Variants in LUC7L observed in about 807,000 individuals in gnomAD.
LUC7L encodes the protein putative RNA-binding protein Luc7-like 1.
A neutral mutation model predicts 51.1 loss-of-function variants in LUC7L; 29 were observed. The observed-to-expected ratio is 0.57, with a 90% confidence interval of 0.42 to 0.77. The LOEUF (loss-of-function observed/expected upper bound fraction) is 0.77, where lower values mean the gene tolerates loss of function less well. Ranked by LOEUF, LUC7L falls within the 30% of genes least tolerant of loss-of-function variation. LUC7L has a pLI of 0.00. For missense variants in LUC7L, 403 were observed against 511.9 expected, an observed-to-expected ratio of 0.79 and a Z score of 2.05; for synonymous variants, 181 against 180.7, an observed-to-expected ratio of 1.00 and a Z score of -0.01.
At chr16:200,811 G>A (rs989689388) in intron 5 of LUC7L, among the ~76,000 whole-genome samples, 4 of 151,708 alleles carry the variant, frequency 2.6e-5, no homozygotes, top group African/African-American at 9.7e-5. Context: ...GAGCCCAGGA[G>A]GTTGAAGGGG....
At chr16:227,443 G>A in intron 1 of LUC7L, 107 bp from the exon 2 acceptor site, 1 of 1,501,666 alleles carries the variant, frequency 6.7e-7, no homozygotes, top group Admixed American at 2.1e-5. Context: ...TCATTTCTGT[G>A]TTCTCCCCAT....
intron 3 of LUC7L, among the ~76,000 whole-genome samples, chr16:219,206 T>C (rs961023596): frequency 1.9e-4 from 29 of 151,714 alleles, no homozygotes; most frequent in African/African-American, 5.6e-4. Flanking sequence ...CTGGCCAACA[T>C]GGTAAAACCC....
In LUC7L at chr16:223,831, G is replaced by C. The variant is rs769221734; in HGVS notation, c.157-3084C>G. ...ACTACAGGGGCACGCCACCACGCCC[G>C]GCTAATATTTTTGTATTTTTAGTAG... On this transcript the variant is annotated intron_variant, in intron 2 of 9. Transcript: ENST00000293872. Among the ~76,000 whole-genome samples the C allele has an allele frequency of 4.9e-4, 74 of 151,654 alleles. 2 individuals carry two copies. The highest frequency in any genetic ancestry group is 5.9e-5 in the Non-Finnish European group (4 of 67,928).
At chr16:221,594 C>G (rs561405327) in intron 2 of LUC7L, among the ~76,000 whole-genome samples, 5 of 151,928 alleles carry the variant, frequency 3.3e-5, no homozygotes, top group Non-Finnish European at 7.4e-5. Context: ...TCCCAGCTAC[C>G]TGGGGAGCTG....
Position 190,058 on chromosome 16 carries a change from G to C in LUC7L, c.884C>G (p.Ser295Cys). The change falls in exon 9 of 10, where the codon TCC (serine) becomes TGC (cysteine). Residue 295 changes from serine (S) to cysteine (C), a missense_variant. Physicochemically the swap from Ser to Cys is moderately radical, Grantham distance 112 (BLOSUM62 -1). This residue lies in a region of LUC7L where 206 missense variants were observed against 218.3 expected (regional missense o/e 0.94). Transcript: ENST00000293872. ...GCGGTGGCGCCGATGTCTATCTCGG[G>C]ACCGGGACCGGGACAATTTCCGTCG... ...RERRKLSRSR[S>C]RDRHRRHRSR... 1 of 1,613,530 alleles carries C rather than the reference G, an allele frequency of 6.2e-7. No individual in the cohort carries two copies. The highest frequency in any genetic ancestry group is 8.5e-7 in the Non-Finnish European group (1 of 1,179,972).
chr16:217,053 C>T (rs1322425893), intron 3 of LUC7L, among the ~76,000 whole-genome samples: 1 of 151,866 alleles, frequency 6.6e-6, no homozygotes, highest in African/African-American at 2.4e-5. Context: ...CGCTCTGTCA[C>T]CCAAGTAGAA....
intron 3 of LUC7L, among the ~76,000 whole-genome samples, chr16:215,313 C>T (rs1247794085): frequency 2.0e-5 from 3 of 151,762 alleles, no homozygotes; most frequent in East Asian, 1.9e-4. Context: ...TGGTGAAACC[C>T]TGCCTACTGA....
Position 189,084 on chromosome 16 carries a change from C to CA in LUC7L, c.*113dup, listed in dbSNP as rs533946452. On this transcript the variant is annotated 3_prime_UTR_variant, in exon 10 of 10. Coordinates refer to ENST00000293872, the MANE Select transcript of LUC7L (RefSeq NM_201412.3). ...ACTTCTAGAAACTCACAGCTAGCTC[C>CA]AAAACAATAGAAATTTTAAACTACA... 6.8e-5 allele frequency: 85 copies of CA among 1,243,486 alleles called. No individual in the cohort carries two copies. In the South Asian group the frequency reaches 1.1e-3, roughly 16 times the overall value. 77.0% of individuals were successfully genotyped at this position (1,243,486 alleles called of 1,614,324 possible). A position where few individuals can be genotyped will look rare whatever the true frequency, so the allele number is the denominator to read the frequency against.
intron 5 of LUC7L, among the ~76,000 whole-genome samples, chr16:203,465 G>A (rs956802955): frequency 6.6e-6 from 1 of 152,110 alleles, no homozygotes; most frequent in Non-Finnish European, 1.5e-5. Flanking sequence ...CCAGCACTTT[G>A]GGAAGCAGAG....
chr16:218,613 T>A (rs2049877933), intron 3 of LUC7L, among the ~76,000 whole-genome samples: 1 of 150,350 alleles, frequency 6.7e-6, no homozygotes. Flanking sequence ...CTCAGCTACT[T>A]GGGAGGCTGA....
intron 3 of LUC7L, among the ~76,000 whole-genome samples, chr16:210,943 C>T (rs56680110): frequency 0.027 from 4,104 of 150,706 alleles, 194 homozygotes; most frequent in African/African-American, 0.095. Flanking sequence ...CCCAGGTACC[C>T]GGGAGGCTGA....
intron 5 of LUC7L, among the ~76,000 whole-genome samples, chr16:202,740 T>C (rs1016842996): frequency 2.6e-5 from 4 of 152,188 alleles, no homozygotes; most frequent in African/African-American, 9.7e-5. Context: ...ATATCAGAAA[T>C]GAAAGACAGG....
chr16:196,938 C>T (rs1377618974), intron 6 of LUC7L, among the ~76,000 whole-genome samples: 4 of 138,280 alleles, frequency 2.9e-5, no homozygotes, highest in African/African-American at 5.6e-5. Flanking sequence ...GACAGAGTCT[C>T]GCTCTGTCGC....
At chr16:224,138 C>A (rs1010238341) in intron 2 of LUC7L, among the ~76,000 whole-genome samples, 5 of 152,120 alleles carry the variant, frequency 3.3e-5, no homozygotes, top group African/African-American at 1.2e-4. Flanking sequence ...AGGAAGCAGA[C>A]CCTAAAACCT....
At chr16:228,485 A>G in intron 1 of LUC7L, 2 of 1,243,910 alleles carry the variant, frequency 1.6e-6, no homozygotes, top group South Asian at 1.4e-5. Flanking sequence ...GCAACTCAAT[A>G]TACAAAGAAA....
intron 6 of LUC7L, 73 bp downstream of exon 6, chr16:198,989 G>A (rs2049242453): frequency 6.9e-7 from 1 of 1,451,558 alleles, no homozygotes; most frequent in African/African-American, 1.4e-5. Flanking sequence ...CAAAACATAA[G>A]GTTTTTAAAA....
chr16:221,661 C>T (rs1380728820), intron 2 of LUC7L, among the ~76,000 whole-genome samples: 1 of 151,944 alleles, frequency 6.6e-6, no homozygotes, highest in Non-Finnish European at 1.5e-5. Flanking sequence ...CAAGACTGTG[C>T]CACTGCACTC....
At chr16:215,584 T>C (rs1000320242) in intron 3 of LUC7L, among the ~76,000 whole-genome samples, 46 of 150,312 alleles carry the variant, frequency 3.1e-4, no homozygotes, top group South Asian at 8.4e-4. Context: ...CATCGCGCCA[T>C]TGCACTCCAG....
At chr16:213,710 CT>C (rs940279128) in intron 3 of LUC7L, among the ~76,000 whole-genome samples, 4 of 151,376 alleles carry the variant, frequency 2.6e-5, no homozygotes, top group African/African-American at 9.7e-5. Context: ...CGGCAGAAAT[CT>C]TTTTTCTTTT....
Sources: allele counts gnomAD v4.1 joint callset (sites outside exome capture counted in the v4.1 genomes callset), GRCh38; gene constraint gnomAD v4.1.1; regional missense constraint gnomAD v4.1.1; transcripts MANE v1.5; gene names NCBI Gene and HGNC (gene_info 2026-07-23, HGNC 2026-07-21).